RNF144A: variants seen among roughly 807,000 people sequenced by gnomAD.
RNF144A encodes the protein E3 ubiquitin-protein ligase RNF144A.
Under a neutral mutation model 38.7 loss-of-function variants are expected in RNF144A, and 11 were observed. That is an observed-to-expected ratio of 0.28 (90% CI 0.18 to 0.47). The LOEUF is 0.47. Among genes scored for constraint, RNF144A ranks in the 20% least tolerant of loss-of-function variants. The pLI is 0.99. For synonymous variants in RNF144A, 149 were observed against 143.9 expected, an observed-to-expected ratio of 1.04 and a Z score of -0.25; for missense variants, 316 against 377.2, an observed-to-expected ratio of 0.84 and a Z score of 1.34.
At chr2:7,029,253 T>C (rs536236224) in intron 7 of RNF144A, among the ~76,000 whole-genome samples, 1 of 152,332 alleles carries the variant, frequency 6.6e-6, no homozygotes, top group Non-Finnish European at 1.5e-5. Context: ...ATTTCCTTCA[T>C]TGATCAGGAT....
At chr2:7,061,188 T>TC (rs1673938933) in intron 6 of RNF144A, among the ~76,000 whole-genome samples, 1 of 152,312 alleles carries the variant, frequency 6.6e-6, no homozygotes, top group African/African-American at 2.4e-5. Flanking sequence ...CCAAATTAAT[T>TC]CCCGACGTCC....
rs71436171 is a variant in RNF144A, at chr2:6,996,731, C to T, written c.-11-185C>T. 3,052 of 584,692 alleles carry T rather than the reference C, an allele frequency of 5.2e-3. 9 individuals are homozygous for T. The highest frequency in any genetic ancestry group is 7.4e-3 in the Non-Finnish European group (2,431 of 330,176). The allele number at this position is 584,692 out of a possible 1,614,324, so 36.2% of individuals were successfully genotyped here. On this transcript the variant is annotated intron_variant, in intron 2 of 8. Coordinates refer to ENST00000320892, the MANE Select transcript of RNF144A (RefSeq NM_014746.6). ...TTGCACCACTGTACTCCAACCTGGACGACAGAGCGAGACTCCATCTCAAAA... is the reference window on the plus strand; with the variant it reads ...TTGCACCACTGTACTCCAACCTGGATGACAGAGCGAGACTCCATCTCAAAA...
intron 3 of RNF144A, among the ~76,000 whole-genome samples, chr2:7,013,412 C>A (rs1455672765): frequency 6.6e-6 from 1 of 152,216 alleles, no homozygotes; most frequent in Admixed American, 6.5e-5. Flanking sequence ...GGGGAGATGT[C>A]AGCTCAGCAA....
chr2:7,036,239 A>G (rs570282092), intron 8 of RNF144A, among the ~76,000 whole-genome samples: 1 of 152,324 alleles, frequency 6.6e-6, no homozygotes, highest in East Asian at 1.9e-4. Flanking sequence ...GGACATCAGC[A>G]TCTGACAAGG....
chr2:7,038,776 AGATGGATAGATGGGTGGATGGGTGGATG>A (rs1672845820), intron 8 of RNF144A, among the ~76,000 whole-genome samples: 1 of 152,090 alleles, frequency 6.6e-6, no homozygotes, highest in Admixed American at 6.5e-5. Context: ...GATGATGGTT[AGATGGATAGATGGGTGGATGGGTGGATG>A]GATGGGTAGA....
intron 2 of RNF144A, among the ~76,000 whole-genome samples, chr2:6,950,599 G>A (rs1194046026): frequency 1.3e-5 from 2 of 152,156 alleles, no homozygotes; most frequent in South Asian, 2.1e-4. Context: ...TAATGATTAA[G>A]TTTGCAAGAA....
In RNF144A at chr2:6,944,148, A is replaced by T. The variant is rs1371553136; in HGVS notation, c.-12+3001A>T. ...GTGAGGAGAGAGGACAGCGGGTCTGAGGGAGGAAGGAGCAGAGGAGGAGCC... is the reference window on the plus strand; with the variant it reads ...GTGAGGAGAGAGGACAGCGGGTCTGTGGGAGGAAGGAGCAGAGGAGGAGCC... On this transcript the variant is annotated intron_variant, in intron 2 of 8. Coordinates refer to ENST00000320892, the MANE Select transcript of RNF144A (RefSeq NM_014746.6). The surrounding 1 kb of genome is among the most constrained non-coding windows in gnomAD (Gnocchi z 4.7). 6.6e-6 allele frequency among the ~76,000 whole-genome samples: 1 copy of T among 152,078 alleles called. No homozygotes were observed. Among genetic ancestry groups the T allele is most frequent in the Non-Finnish European group, 1.5e-5 (1 of 68,004 alleles).
rs1237073135 is a variant in RNF144A at position 7,013,202 on chromosome 2, G to A, written c.136-1252G>A. 2.0e-5 allele frequency among the ~76,000 whole-genome samples: 3 copies of A among 152,106 alleles called. No homozygotes were observed. The East Asian group carries it at 5.8e-4, about 29-fold the overall frequency. Reference sequence around the variant, plus strand: ...TGTATTCTTCTATACTTTTTCACTTGCCTAATATTCTTACAACTCCACTGT... The same window carrying A: ...TGTATTCTTCTATACTTTTTCACTTACCTAATATTCTTACAACTCCACTGT... On this transcript the variant is annotated intron_variant, in intron 3 of 8. Coordinates refer to ENST00000320892, the MANE Select transcript of RNF144A (RefSeq NM_014746.6).
chr2:7,019,385 G>C (rs989711872), intron 5 of RNF144A, among the ~76,000 whole-genome samples: 50 of 152,364 alleles, frequency 3.3e-4, no homozygotes, highest in African/African-American at 1.1e-3. Flanking sequence ...ATTCCAGTGA[G>C]TAGGAATCCC....
At chr2:7,057,777 T>G (rs557165249) in intron 6 of RNF144A, among the ~76,000 whole-genome samples, 15 of 152,234 alleles carry the variant, frequency 9.9e-5, no homozygotes, top group African/African-American at 3.6e-4. Context: ...TCATAATTGC[T>G]TGGAGTGAAT....
intron 2 of RNF144A, among the ~76,000 whole-genome samples, chr2:6,971,819 C>T (rs1324021837): frequency 6.6e-6 from 1 of 152,190 alleles, no homozygotes; most frequent in Admixed American, 6.5e-5. Flanking sequence ...GCCTGCTTCT[C>T]TGCTTTTCAG....
chr2:6,970,026 CTGGGATTACAG>C (rs1667905893), intron 2 of RNF144A, among the ~76,000 whole-genome samples: 2 of 152,222 alleles, frequency 1.3e-5, no homozygotes, highest in African/African-American at 2.4e-5. Context: ...TCCCAAAGTG[CTGGGATTACAG>C]GCGTAAGCCA....
chr2:7,043,360 A>G lies in RNF144A; in HGVS notation c.*3600A>G, dbSNP rs1673165476. 1.0e-6 allele frequency: 1 copy of G among 985,146 alleles called. No homozygotes were observed. Among genetic ancestry groups the G allele is most frequent in the East Asian group, 1.1e-4 (1 of 8,826 alleles). 61.0% of individuals were successfully genotyped at this position (985,146 alleles called of 1,614,324 possible). The stretch of plus-strand genomic sequence containing the variant: ...TAGAAGTCATTTTACAAATTAAAAA[A>G]ACATTTTTTTCTTGGTAGTCTTTAA... On this transcript the variant is annotated 3_prime_UTR_variant, in exon 9 of 9. Transcript: ENST00000320892.
intron 2 of RNF144A, among the ~76,000 whole-genome samples, chr2:6,957,767 C>T (rs144618457): frequency 6.6e-6 from 1 of 152,344 alleles, no homozygotes; most frequent in East Asian, 1.9e-4. Context: ...CTGAGAGCTA[C>T]CTCTTTGCAA....
chr2:7,050,889 C>T (rs1673494300), intron 6 of RNF144A, among the ~76,000 whole-genome samples: 3 of 152,288 alleles, frequency 2.0e-5, no homozygotes, highest in East Asian at 1.9e-4. Context: ...ACTCAGACCC[C>T]GTCTATATTT....
chr2:7,024,004 G>A (rs1671705093), intron 6 of RNF144A, among the ~76,000 whole-genome samples: 1 of 152,182 alleles, frequency 6.6e-6, no homozygotes, highest in South Asian at 2.1e-4. Context: ...AAAGTAGACA[G>A]CTCTGTGAAT....
chr2:7,039,604 C>T (rs776166935), intron 8 of RNF144A, 25 bp from the exon 9 acceptor site: 3 of 1,613,400 alleles, frequency 1.9e-6, no homozygotes, highest in Non-Finnish European at 2.5e-6. Context: ...CTCCTTACCT[C>T]TACCCCTTTG....
chr2:7,023,359 A>C (rs1156828983), intron 6 of RNF144A, among the ~76,000 whole-genome samples: 1 of 152,210 alleles, frequency 6.6e-6, no homozygotes, highest in Non-Finnish European at 1.5e-5. Context: ...CTTCAGCCAG[A>C]ATGCACTCAA....
intron 1 of RNF144A, among the ~76,000 whole-genome samples, chr2:6,937,449 T>C (rs1572218757): frequency 6.6e-6 from 1 of 152,206 alleles, no homozygotes; most frequent in Non-Finnish European, 1.5e-5. Context: ...CTTTTTATAA[T>C]GCAGCTGGGA....
Sources: allele counts gnomAD v4.1 joint callset (sites outside exome capture counted in the v4.1 genomes callset), GRCh38; gene constraint gnomAD v4.1.1; non-coding constraint Gnocchi (gnomAD v3.1); transcripts MANE v1.5; gene names NCBI Gene and HGNC (gene_info 2026-07-23, HGNC 2026-07-21).